CSMD3: variants seen among roughly 807,000 people sequenced by gnomAD.
The protein encoded by CSMD3 is CUB and Sushi multiple domains 3, also known as CUB and sushi domain-containing protein 3.
In CSMD3, 177 loss-of-function variants were observed where a neutral mutation model predicts 435.2. That is an observed-to-expected ratio of 0.41 (90% CI 0.36 to 0.46). The LOEUF is 0.46. Ranked by LOEUF, CSMD3 falls within the 20% of genes least tolerant of loss-of-function variation. The pLI is 0.34. For missense variants in CSMD3, 4,265 were observed against 4,504.6 expected (o/e 0.95, Z 1.52); for synonymous variants, 1,656 against 1,520.5 (o/e 1.09, Z -2.07).
chr8:112,721,030 G>C (rs1451331582), intron 13 of CSMD3, among the ~76,000 whole-genome samples: 1 of 152,074 alleles, frequency 6.6e-6, no homozygotes, highest in South Asian at 2.1e-4. Flanking sequence ...TTTAACAGTA[G>C]AACAGGGTCT....
rs2093830230 is a variant in CSMD3, at chr8:113,307,425, C to T, written c.401+7146G>A. On this transcript the variant is annotated intron_variant, in intron 2 of 70. Transcript: ENST00000297405. ...CAGATCTAAATATAAAGCTAACACT[C>T]TAAACCTTCAGAAGAAAATACAGGA... Among the ~76,000 whole-genome samples, 6 of 152,224 alleles carry T rather than the reference C, an allele frequency of 3.9e-5. No individual in the cohort carries two copies. In the South Asian group the frequency reaches 1.2e-3, roughly 32 times the overall value.
intron 2 of CSMD3, among the ~76,000 whole-genome samples, chr8:113,302,081 A>C (rs1408065961): frequency 6.6e-6 from 1 of 151,242 alleles, no homozygotes; most frequent in East Asian, 1.9e-4. Context: ...AAAATGCTAT[A>C]GTTGAAAAAT....
At chr8:113,061,727 T>C (rs1338528290) in intron 5 of CSMD3, among the ~76,000 whole-genome samples, 2 of 152,066 alleles carry the variant, frequency 1.3e-5, no homozygotes, top group Middle Eastern at 3.4e-3. Flanking sequence ...TTATTTAATG[T>C]TGTTGGGATA....
intron 28 of CSMD3, among the ~76,000 whole-genome samples, chr8:112,510,858 C>T (rs1220510435): frequency 1.3e-5 from 2 of 151,990 alleles, no homozygotes; most frequent in Non-Finnish European, 2.9e-5. Flanking sequence ...TATTTCATAA[C>T]GTTTGTTGAA....
intron 22 of CSMD3, among the ~76,000 whole-genome samples, chr8:112,587,862 G>T (rs1037584309): frequency 4.6e-5 from 7 of 151,766 alleles, no homozygotes; most frequent in Non-Finnish European, 7.4e-5. Context: ...AATTAGACTA[G>T]ATTAAGGCAT....
rs1267246398 is a variant in CSMD3 at position 113,117,733 on chromosome 8, GC to G, written c.710-18771del. Among the ~76,000 whole-genome samples the G allele has an allele frequency of 3.3e-5, 5 of 152,342 alleles. No homozygotes were observed. The South Asian group carries it at 8.3e-4, about 25-fold the overall frequency. ...GTCAGAGCTGCCCAAGGCCATGGGA[GC>G]CCACCTCTTGCATCAGCATGACCTA... On this transcript the variant is annotated intron_variant, in intron 4 of 70. Transcript: ENST00000297405.
chr8:113,222,783 T>A (rs2092984214), intron 3 of CSMD3, among the ~76,000 whole-genome samples: 1 of 151,122 alleles, frequency 6.6e-6, no homozygotes, highest in Non-Finnish European at 1.5e-5. Flanking sequence ...GTGATTGTGA[T>A]TTTTATAATG....
At chr8:113,022,524 C>T (rs1201302239) in intron 5 of CSMD3, among the ~76,000 whole-genome samples, 3 of 151,338 alleles carry the variant, frequency 2.0e-5, no homozygotes, top group Non-Finnish European at 4.4e-5. Flanking sequence ...TGACATATAA[C>T]AACAATAACA....
At chr8:112,302,237 G>A (rs995764123) in intron 52 of CSMD3, among the ~76,000 whole-genome samples, 6 of 117,966 alleles carry the variant, frequency 5.1e-5, no homozygotes, top group Admixed American at 2.6e-4. Flanking sequence ...TGCATTTTTC[G>A]CTTAGTCAAC....
At position 112,517,449 on chromosome 8, in the gene CSMD3, T is replaced by C. The variant is rs535323377; in HGVS notation, c.4565-224A>G. On this transcript the variant is annotated intron_variant, in intron 27 of 70. Coordinates refer to ENST00000297405, the MANE Select transcript of CSMD3 (RefSeq NM_198123.2). Reference sequence around the variant, plus strand: ...ACTAGATTTACTCAACATTATTAAATGTATTGTGAAAGACACTGAAGATTA... The same window carrying C: ...ACTAGATTTACTCAACATTATTAAACGTATTGTGAAAGACACTGAAGATTA... Among the ~76,000 whole-genome samples, 117 of 152,220 alleles carry C rather than the reference T, an allele frequency of 7.7e-4. 1 individual carries two copies. The highest frequency in any genetic ancestry group is 2.6e-3 in the African/African-American group (108 of 41,540).
chr8:112,817,681 TAGAG>T (rs148174574), intron 12 of CSMD3, among the ~76,000 whole-genome samples: 3 of 150,518 alleles, frequency 2.0e-5, no homozygotes, highest in Non-Finnish European at 3.0e-5. Flanking sequence ...ATAATAGAGA[TAGAG>T]AGAGAGAGAG....
intron 7 of CSMD3, among the ~76,000 whole-genome samples, chr8:112,964,382 C>T (rs1234076334): frequency 6.6e-6 from 1 of 151,724 alleles, no homozygotes; most frequent in African/African-American, 2.4e-5. Context: ...ATATTTGACC[C>T]TAAATATGTT....
In CSMD3 at chr8:112,313,932, T is replaced by C; in HGVS notation, c.7670A>G (p.Lys2557Arg). The C allele has an allele frequency of 5.0e-6, 8 of 1,612,332 alleles. No homozygotes were observed. The highest frequency in any genetic ancestry group is 6.8e-6 in the Non-Finnish European group (8 of 1,178,710). The change falls in exon 49 of 71, where the codon AAA becomes AGA. Residue 2557 changes from lysine (K) to arginine (R), a missense_variant. Around this residue, in one of 3 missense-constraint regions of CSMD3, gnomAD observed 3,255 missense variants for 3,380.2 expected, o/e 0.96. Coordinates refer to ENST00000297405, the MANE Select transcript of CSMD3 (RefSeq NM_198123.2). Reference sequence around the variant, plus strand: ...TATATATCTTATCCGGAAGCCTTTTTTGTTATTGCCATGATCTGCTGACCA... The same window carrying C: ...TATATATCTTATCCGGAAGCCTTTTCTGTTATTGCCATGATCTGCTGACCA... ...LQWSADHGNN[K>R]KGFRIRYIAF...
intron 7 of CSMD3, among the ~76,000 whole-genome samples, chr8:112,956,479 A>G (rs1025799692): frequency 6.6e-6 from 1 of 152,182 alleles, no homozygotes; most frequent in Non-Finnish European, 1.5e-5. Context: ...AACATGAATT[A>G]TAAGTAGGAA....
At chr8:113,183,653 A>G (rs975915918) in intron 3 of CSMD3, among the ~76,000 whole-genome samples, 1 of 151,676 alleles carries the variant, frequency 6.6e-6, no homozygotes, top group African/African-American at 2.4e-5. Context: ...TTTAGACTCT[A>G]TTCACTCTCT....
chr8:113,165,609 G>C (rs943368945), intron 4 of CSMD3, among the ~76,000 whole-genome samples: 6 of 151,992 alleles, frequency 3.9e-5, no homozygotes, highest in African/African-American at 1.4e-4. Flanking sequence ...CACAGAAAGA[G>C]AATGAAGTTA....
chr8:113,313,312 C>G (rs1229512033), intron 2 of CSMD3: 1 of 152,054 alleles, frequency 6.6e-6, no homozygotes, highest in Admixed American at 6.6e-5. Flanking sequence ...AAAATAAACA[C>G]TAATTCTTTC....
chr8:112,988,331 C>A (rs1404577843), intron 6 of CSMD3, among the ~76,000 whole-genome samples: 1 of 152,066 alleles, frequency 6.6e-6, no homozygotes, highest in African/African-American at 2.4e-5. Flanking sequence ...GATTAAATTT[C>A]ACACCTGTTT....
chr8:113,233,549 TAAG>T (rs960804666), intron 3 of CSMD3, among the ~76,000 whole-genome samples: 78 of 151,176 alleles, frequency 5.2e-4, no homozygotes, highest in African/African-American at 1.9e-3. Context: ...CATGATATAA[TAAG>T]AAGCTAGATA....
Sources: allele counts gnomAD v4.1 joint callset (sites outside exome capture counted in the v4.1 genomes callset), GRCh38; gene constraint gnomAD v4.1.1; regional missense constraint gnomAD v4.1.1; transcripts MANE v1.5; gene names NCBI Gene and HGNC (gene_info 2026-07-23, HGNC 2026-07-21).